Variants in NMNAT2 observed in about 807,000 individuals in gnomAD.
NMNAT2 encodes the protein nicotinamide nucleotide adenylyltransferase 2, also known as nicotinamide/nicotinic acid mononucleotide adenylyltransferase 2.
In NMNAT2, 11 loss-of-function variants were observed where a neutral mutation model predicts 41.6. The observed-to-expected ratio is 0.26, with a 90% CI of 0.17 to 0.44. The LOEUF (loss-of-function observed/expected upper bound fraction) is 0.44, where lower values mean the gene tolerates loss of function less well. Ranked by LOEUF, NMNAT2 falls within the 20% of genes least tolerant of loss-of-function variation. The pLI is 1.00. For synonymous variants in NMNAT2, 148 were observed against 151.2 expected (o/e 0.98, Z 0.16); for missense variants, 288 against 407.7 (o/e 0.71, Z 2.53).
intron 1 of NMNAT2, among the ~76,000 whole-genome samples, chr1:183,360,853 A>G (rs1165880542): frequency 6.6e-6 from 1 of 152,212 alleles, no homozygotes; most frequent in Non-Finnish European, 1.5e-5. Flanking sequence ...TGGTGGAAGC[A>G]TTTTTATAAG....
chr1:183,361,442 A>AT (rs1299674810), intron 1 of NMNAT2, among the ~76,000 whole-genome samples: 34 of 152,308 alleles, frequency 2.2e-4, no homozygotes, highest in South Asian at 8.3e-4. Flanking sequence ...TGAGCCTCGG[A>AT]TTTTTCATCT....
At chr1:183,405,534 G>C (rs1050363223) in intron 1 of NMNAT2, among the ~76,000 whole-genome samples, 2 of 152,180 alleles carry the variant, frequency 1.3e-5, no homozygotes, top group African/African-American at 2.4e-5. Context: ...ATCATTGCAG[G>C]GAACAAGGTC....
Position 183,403,440 on chromosome 1 carries a change from ACC to A in NMNAT2, c.85+14741_85+14742del, listed in dbSNP as rs35578924. On this transcript the variant is annotated intron_variant, in intron 1 of 10. Transcript: ENST00000287713. ...GGGAAGGGACAAGTGAAGAGGAACA[ACC>A]CCCCCCCCCAAAAAAAATGGCACTA... is the stretch of plus-strand genomic sequence containing the variant. Among the ~76,000 whole-genome samples, 828 of 132,752 alleles carry A rather than the reference ACC, an allele frequency of 6.2e-3. 9 individuals carry two copies. Among genetic ancestry groups the A allele is most frequent in the African/African-American group, 0.021 (782 of 36,802 alleles). 87.1% of individuals were successfully genotyped at this position (132,752 alleles called of 152,430 possible).
rs113632235 is a variant in NMNAT2, at chr1:183,293,581, G to A, written c.174+124C>T. On this transcript the variant is annotated intron_variant, in intron 2 of 10. Coordinates refer to ENST00000287713, the MANE Select transcript of NMNAT2 (RefSeq NM_015039.4). ...GAAGCAGGATAGACGCATGGACCTG[G>A]GCATTTTGTGTTTCCAGGAATCTTA... 26 of 742,260 alleles carry A rather than the reference G, an allele frequency of 3.5e-5. 1 individual carries two copies. The highest frequency in any genetic ancestry group is 2.2e-4 in the African/African-American group (13 of 57,832). The allele number at this position is 742,260 out of a possible 1,614,324, so 46.0% of individuals were successfully genotyped here.
intron 1 of NMNAT2, among the ~76,000 whole-genome samples, chr1:183,313,685 C>T (rs369109421): frequency 5.9e-5 from 9 of 152,268 alleles, no homozygotes; most frequent in East Asian, 1.9e-4. Flanking sequence ...GGGGTTTCAC[C>T]ATGTTGGCCA....
intron 1 of NMNAT2, among the ~76,000 whole-genome samples, chr1:183,384,006 A>G (rs77633474): frequency 2.0e-5 from 3 of 152,104 alleles, no homozygotes; most frequent in Admixed American, 6.5e-5. Flanking sequence ...CCATTTTCAC[A>G]TTGTTATAAA....
At chr1:183,386,672 G>A (rs1648256506) in intron 1 of NMNAT2, among the ~76,000 whole-genome samples, 1 of 152,012 alleles carries the variant, frequency 6.6e-6, no homozygotes, top group Non-Finnish European at 1.5e-5. Context: ...CTATAGTTAT[G>A]TATTCTGCCT....
chr1:183,335,572 T>C (rs1007656810), intron 1 of NMNAT2, among the ~76,000 whole-genome samples: 1 of 152,234 alleles, frequency 6.6e-6, no homozygotes, highest in Non-Finnish European at 1.5e-5. Flanking sequence ...CTATGTTTCC[T>C]TGGGATAGAC....
chr1:183,263,153 C>T (rs555847892), intron 8 of NMNAT2, among the ~76,000 whole-genome samples: 16 of 152,176 alleles, frequency 1.1e-4, no homozygotes, highest in African/African-American at 3.4e-4. Context: ...GCTCTGATGT[C>T]GCTGAAATAA....
chr1:183,256,095 G>T (rs1444408069), intron 10 of NMNAT2, among the ~76,000 whole-genome samples: 1 of 151,916 alleles, frequency 6.6e-6, no homozygotes, highest in Non-Finnish European at 1.5e-5. Context: ...GTTAGCTGTG[G>T]GTTTTTTAAA....
At chr1:183,389,800 G>A (rs549333836) in intron 1 of NMNAT2, among the ~76,000 whole-genome samples, 3 of 63,086 alleles carry the variant, frequency 4.8e-5, no homozygotes, top group African/African-American at 1.0e-4. Context: ...AAGAAAGAAA[G>A]AAAGAAAGAA....
chr1:183,331,671 G>T (rs1458853333), intron 1 of NMNAT2, among the ~76,000 whole-genome samples: 1 of 152,234 alleles, frequency 6.6e-6, no homozygotes, highest in African/African-American at 2.4e-5. Flanking sequence ...CCTGGCGCCT[G>T]CACGCTGCTG....
intron 1 of NMNAT2, among the ~76,000 whole-genome samples, chr1:183,336,398 A>G (rs1662678560): frequency 6.6e-6 from 1 of 152,186 alleles, no homozygotes; most frequent in Non-Finnish European, 1.5e-5. Flanking sequence ...AGTTTGAAAA[A>G]CCAATATGTG....
chr1:183,278,762 C>T (rs1294130125), intron 7 of NMNAT2, 133 bp from the exon 8 acceptor site: 1 of 675,822 alleles, frequency 1.5e-6, no homozygotes, highest in African/African-American at 1.8e-5. Context: ...ATCCCAGGTG[C>T]CTCTGCCCCT....
At chr1:183,331,176 A>C (rs952446) in intron 1 of NMNAT2, among the ~76,000 whole-genome samples, 21 of 151,822 alleles carry the variant, frequency 1.4e-4, no homozygotes, top group Non-Finnish European at 2.1e-4. Context: ...TGAAATCATG[A>C]GGGGCAGGTG....
chr1:183,375,973 G>A (rs547796536), intron 1 of NMNAT2, among the ~76,000 whole-genome samples: 2 of 151,506 alleles, frequency 1.3e-5, no homozygotes, highest in African/African-American at 4.8e-5. Context: ...CACCACATCT[G>A]AAAAGAAACA....
intron 8 of NMNAT2, among the ~76,000 whole-genome samples, chr1:183,272,996 G>A (rs1373566170): frequency 2.6e-5 from 4 of 152,262 alleles, no homozygotes; most frequent in South Asian, 2.1e-4. Flanking sequence ...TTTTAAGTTC[G>A]GCCTAAAGAT....
chr1:183,287,616 G>A (rs974561308), intron 4 of NMNAT2, among the ~76,000 whole-genome samples: 3 of 152,224 alleles, frequency 2.0e-5, no homozygotes, highest in Non-Finnish European at 4.4e-5. Context: ...ATCCCACTGG[G>A]CCAAGGTGAT....
At chr1:183,331,417 A>G (rs1364886709) in intron 1 of NMNAT2, among the ~76,000 whole-genome samples, 3 of 152,194 alleles carry the variant, frequency 2.0e-5, no homozygotes, top group Non-Finnish European at 4.4e-5. Context: ...TGCATAGACA[A>G]GATGAAAGGC....
Sources: gnomAD v4.1 joint callset for allele counts (sites outside exome capture counted in the v4.1 genomes callset) on GRCh38, gnomAD v4.1.1 for gene constraint, MANE v1.5 for transcripts, NCBI Gene and HGNC (gene_info 2026-07-23, HGNC 2026-07-21) for gene names.